The following ZKSCAN4 variants were observed in gnomAD, a reference collection of about 807,000 sequenced individuals.
ZKSCAN4 encodes the protein zinc finger with KRAB and SCAN domains 4.
A neutral mutation model predicts 30.8 loss-of-function variants in ZKSCAN4; 23 were observed. The ratio of observed to expected loss-of-function variants is 0.75; its 90% CI spans 0.54 to 1.06. The LOEUF (loss-of-function observed/expected upper bound fraction) is 1.06, where lower values mean the gene tolerates loss of function less well. Ranked by LOEUF, ZKSCAN4 falls within the 50% of genes least tolerant of loss-of-function variation. The probability of loss-of-function intolerance (pLI) is 0.00; values close to 1 mark genes in which losing one functional copy is unlikely to be tolerated. For synonymous variants in ZKSCAN4, 208 were observed against 252.5 expected, an observed-to-expected ratio of 0.82 and a Z score of 1.67; for missense variants, 556 against 665.4, an observed-to-expected ratio of 0.84 and a Z score of 1.81.
Position 28,245,357 on chromosome 6 carries a change from T to A in ZKSCAN4, c.1397A>T (p.Glu466Val). ...CGTCCTACCCTGACTTTCCCAGGAC[T>A]CCCCGTGCTCAGGATTCTGAACATT... ...DKNVQNPEHG[E>V]SWESQGRTES... Residue 466 changes from glutamate (E) to valine (V), a missense_variant, in exon 5 of 5, where the codon GAG becomes GTG. Glu to Val is a moderately radical substitution (Grantham distance 121). This residue lies in a region of ZKSCAN4 where 433 missense variants were observed against 511.5 expected (regional missense o/e 0.85). Transcript: ENST00000377294. 6.2e-7 allele frequency: 1 copy of A among 1,614,230 alleles called. No homozygotes were observed. The highest frequency in any genetic ancestry group is 8.5e-7 in the Non-Finnish European group (1 of 1,180,030).
Position 28,251,740 on chromosome 6 carries a change from A to G in ZKSCAN4, c.241T>C (p.Trp81Arg). Residue 81 changes from tryptophan (W) to arginine (R), a missense_variant, in exon 1 of 5, where the codon TGG (tryptophan) becomes CGG (arginine). Trp to Arg is a moderately radical substitution (Grantham distance 101). Transcript: ENST00000377294. This position sits in a 1 kb window ranked among gnomAD's most constrained non-coding sequence, Gnocchi z 4.5. ...LSRLRELCGQ[W>R]LQPEMHSKEQ... ...TTGCTGTGCATCTCAGGCTGCAGCC[A>G]TTGTCCGCAGAGTTCTCGGAGCCGG... 6.2e-7 allele frequency: 1 copy of G among 1,614,190 alleles called. No homozygotes were observed. Among genetic ancestry groups the G allele is most frequent in the South Asian group, 1.1e-5 (1 of 91,086 alleles).
chr6:28,245,043 T>C lies in ZKSCAN4; in HGVS notation c.*73A>G, dbSNP rs985700321. The C allele has an allele frequency of 6.3e-7, 1 of 1,597,194 alleles. No homozygotes were observed. Among genetic ancestry groups the C allele is most frequent in the Admixed American group, 1.7e-5 (1 of 60,010 alleles). On this transcript the variant is annotated 3_prime_UTR_variant, in exon 5 of 5. Coordinates refer to ENST00000377294, the MANE Select transcript of ZKSCAN4 (RefSeq NM_019110.5). Reference sequence around the variant, plus strand: ...ATAAAGCCCTGGTCCACAATTTCTGTAACCATTAAGGGCTCCAGGGTGGCT... The same window carrying C: ...ATAAAGCCCTGGTCCACAATTTCTGCAACCATTAAGGGCTCCAGGGTGGCT...
In ZKSCAN4 at chr6:28,251,569, G is replaced by C. The variant is rs1260218870; in HGVS notation, c.412C>G (p.Pro138Ala). Reference sequence around the variant, plus strand: ...CCTGTTCTTTCTACCTGCGGCGCCGGCTCATCCAGCTGCCTCTCCAAATAC... The same window carrying C: ...CCTGTTCTTTCTACCTGCGGCGCCGCCTCATCCAGCTGCCTCTCCAAATAC... ...LEYLERQLDE[P>A]APQVPVGDQG... The change falls in exon 1 of 5, where the codon CCG becomes GCG. Residue 138 changes from proline (P) to alanine (A), a missense_variant. Pro to Ala is a conservative substitution (Grantham distance 27). Transcript: ENST00000377294. The surrounding 1 kb of genome is among the most constrained non-coding windows in gnomAD (Gnocchi z 4.5). The C allele has an allele frequency of 6.2e-7, 1 of 1,614,118 alleles. No homozygotes were observed. Among genetic ancestry groups the C allele is most frequent in the Admixed American group, 1.7e-5 (1 of 60,024 alleles).
At chr6:28,258,768 CAAA>C in the ZKSCAN4 span, among the ~76,000 whole-genome samples, 11,861 of 142,282 alleles carry the variant, frequency 0.083, 650 homozygotes, top group East Asian at 0.28. Flanking sequence ...ATCCTGTCTC[CAAA>C]AAAAAAAAAA....
chr6:28,247,379 A>G (rs567220636), intron 3 of ZKSCAN4, among the ~76,000 whole-genome samples: 25 of 152,370 alleles, frequency 1.6e-4, no homozygotes, highest in African/African-American at 5.5e-4. Flanking sequence ...AACTATGTCC[A>G]AAATTTTCAA....
Position 28,248,089 on chromosome 6 carries a change from G to A in ZKSCAN4, c.632C>T (p.Ser211Phe), listed in dbSNP as rs374905474. ...CACCTGGGACCCTGGAGTGAGCCTG[G>A]AAGCTACCATTGCATCTTCTCTGCA... is the stretch of plus-strand genomic sequence containing the variant. ...GCCREDAMVA[S>F]RLTPGSQGLL... Residue 211 changes from serine (S) to phenylalanine (F), a missense_variant, in exon 3 of 5, where the codon TCC becomes TTC. This residue lies in a region of ZKSCAN4 where 433 missense variants were observed against 511.5 expected (regional missense o/e 0.85). Transcript: ENST00000377294. 16 of 1,613,420 alleles carry A rather than the reference G, an allele frequency of 9.9e-6. No homozygotes were observed. The highest frequency in any genetic ancestry group is 1.4e-5 in the Non-Finnish European group (16 of 1,179,668).
At chr6:28,248,187 G>A (rs1174205297) in intron 2 of ZKSCAN4, 38 bp from the exon 3 acceptor site, 8 of 1,536,798 alleles carry the variant, frequency 5.2e-6, no homozygotes, top group Non-Finnish European at 7.1e-6. Flanking sequence ...AACTACCCTA[G>A]TATTCAGCCT....
intron 1 of ZKSCAN4, among the ~76,000 whole-genome samples, chr6:28,250,260 G>A (rs1360654123): frequency 6.6e-6 from 1 of 152,062 alleles, no homozygotes; most frequent in South Asian, 2.1e-4. Context: ...GTAGAGACCG[G>A]GTTTCTCCAT....
At chr6:28,254,268 A>G (rs1761115849), upstream of ZKSCAN4, among the ~76,000 whole-genome samples, 1 of 152,266 alleles carries the variant, frequency 6.6e-6, no homozygotes, top group South Asian at 2.1e-4. Flanking sequence ...GCTCAAAAGC[A>G]GTTCTGCAGT....
chr6:28,244,887 T>C lies in ZKSCAN4; in HGVS notation c.*229A>G. The C allele has an allele frequency of 3.3e-6, 2 of 609,412 alleles. No homozygotes were observed. Among genetic ancestry groups the C allele is most frequent in the Non-Finnish European group, 5.8e-6 (2 of 346,830 alleles). The allele number at this position is 609,412 out of a possible 1,614,324, so 37.8% of individuals were successfully genotyped here. A position where few individuals can be genotyped will look rare whatever the true frequency, so the allele number is the denominator to read the frequency against. ...GGTGAGAACAAACTATTTTAGGTCC[T>C]ACAACTTCCAGACCACTCTCCCATG... is the stretch of plus-strand genomic sequence containing the variant. On this transcript the variant is annotated 3_prime_UTR_variant, in exon 5 of 5. Transcript: ENST00000377294.
intron 4 of ZKSCAN4, 52 bp from the exon 5 acceptor site, chr6:28,246,027 A>C: frequency 1.2e-6 from 2 of 1,613,312 alleles, no homozygotes; most frequent in Non-Finnish European, 8.5e-7. Flanking sequence ...CATGGGAGGA[A>C]AGCTCTGTGA....
upstream of ZKSCAN4, among the ~76,000 whole-genome samples, chr6:28,253,205 G>A (rs1761081259): frequency 6.6e-6 from 1 of 152,140 alleles, no homozygotes; most frequent in Non-Finnish European, 1.5e-5. This position sits in a 1 kb window ranked among gnomAD's most constrained non-coding sequence, Gnocchi z 4.2. Context: ...GATGGGACTC[G>A]ATTTTAAGCC....
At chr6:28,247,158 C>A in intron 3 of ZKSCAN4, 66 bp from the exon 4 acceptor site, 1 of 1,502,762 alleles carries the variant, frequency 6.7e-7, no homozygotes, top group Non-Finnish European at 8.9e-7. Context: ...AAAGAATGAA[C>A]ATCCCCTTTA....
chr6:28,258,912 G>T, the ZKSCAN4 span, among the ~76,000 whole-genome samples: 1 of 152,230 alleles, frequency 6.6e-6, no homozygotes, highest in East Asian at 1.9e-4. Flanking sequence ...TTTCCTCCAC[G>T]AAGAGGGTGG....
chr6:28,248,354 C>T (rs1241458525), intron 2 of ZKSCAN4, among the ~76,000 whole-genome samples: 1 of 152,198 alleles, frequency 6.6e-6, no homozygotes, highest in African/African-American at 2.4e-5. Context: ...ACAAAAACCA[C>T]GTGCAGAATC....
At position 28,251,649 on chromosome 6, in the gene ZKSCAN4, C is replaced by T. The variant is rs1438454397; in HGVS notation, c.332G>A (p.Ser111Asn). The change falls in exon 1 of 5, where the codon AGC (serine) becomes AAC (asparagine). Residue 111 changes from serine (S) to asparagine (N), a missense_variant. Transcript: ENST00000377294. The surrounding 1 kb of genome is among the most constrained non-coding windows in gnomAD (Gnocchi z 4.5). ...CTCTGGATGCTGCTCCCGCACCCAG[C>T]TCTGCAGATTCCCCGGCAGGATGGT... is the stretch of plus-strand genomic sequence containing the variant. ...FLTILPGNLQ[S>N]WVREQHPESG... 6.2e-7 allele frequency: 1 copy of T among 1,614,224 alleles called. No individual in the cohort carries two copies. The highest frequency in any genetic ancestry group is 2.2e-5 in the East Asian group (1 of 44,884).
At chr6:28,258,419 C>T in the ZKSCAN4 span, among the ~76,000 whole-genome samples, 1 of 152,158 alleles carries the variant, frequency 6.6e-6, no homozygotes. Flanking sequence ...CATCTGTCTA[C>T]AAGATCGAGT....
chr6:28,244,273 A>C lies in ZKSCAN4; in HGVS notation c.*843T>G, dbSNP rs571616617. On this transcript the variant is annotated 3_prime_UTR_variant, in exon 5 of 5. Coordinates refer to ENST00000377294, the MANE Select transcript of ZKSCAN4 (RefSeq NM_019110.5). ...ACAGAATGTGTTCAAAATTCATAAT[A>C]ATCATTTTGATCTAACTCAGTAAGT... 2.6e-5 allele frequency among the ~76,000 whole-genome samples: 4 copies of C among 152,292 alleles called. No homozygotes were observed. In the South Asian group the frequency reaches 8.3e-4, roughly 32 times the overall value.
intron 1 of ZKSCAN4, among the ~76,000 whole-genome samples, chr6:28,250,656 C>A (rs2113687968): frequency 6.6e-6 from 1 of 152,296 alleles, no homozygotes; most frequent in Non-Finnish European, 1.5e-5. Context: ...TAACACAGGG[C>A]CTGGCACATA....
Sources: gnomAD v4.1 joint callset for allele counts (sites outside exome capture counted in the v4.1 genomes callset) on GRCh38, gnomAD v4.1.1 for gene constraint, gnomAD v4.1.1 regional missense constraint, Gnocchi (gnomAD v3.1) non-coding constraint, MANE v1.5 for transcripts, NCBI Gene and HGNC (gene_info 2026-07-23, HGNC 2026-07-21) for gene names.